Variants in RAD54L2 observed in about 807,000 individuals in gnomAD.
RAD54L2 encodes RAD54 like 2, also known as helicase ARIP4.
In RAD54L2, 27 loss-of-function variants were observed where a neutral mutation model predicts 138.4. The ratio of observed to expected loss-of-function variants is 0.20; its 90% CI spans 0.14 to 0.27. RAD54L2 has a LOEUF of 0.27. Ranked by LOEUF, RAD54L2 falls within the 10% of genes least tolerant of loss-of-function variation. The pLI is 1.00. For synonymous variants in RAD54L2, 644 were observed against 723.2 expected (o/e 0.89, Z 1.76); for missense variants, 1,396 against 1,890.2 (o/e 0.74, Z 4.85).
At position 51,590,430 on chromosome 3, in the gene RAD54L2, G is replaced by T; in HGVS notation, c.10G>T (p.Glu4Ter). The change falls in exon 3 of 23, where the codon GAA becomes TAA. Residue 4 changes from glutamate (E) to a stop codon, truncating the protein, a stop_gained. Transcript: ENST00000684192. LOFTEE classifies it high-confidence loss of function. ...AGGACCTCTGGGAGCCATGTCAGAC[G>T]AATCTGCCTCAGGGAGCGATCCAGA... is the stretch of plus-strand genomic sequence containing the variant. MSD[E>*]SASGSDPDLD... 6.5e-7 allele frequency: 1 copy of T among 1,540,402 alleles called. No homozygotes were observed. The highest frequency in any genetic ancestry group is 8.8e-7 in the Non-Finnish European group (1 of 1,139,754).
At chr3:51,556,733 T>G (rs748620371) in intron 2 of RAD54L2, among the ~76,000 whole-genome samples, 14 of 152,084 alleles carry the variant, frequency 9.2e-5, no homozygotes, top group Non-Finnish European at 1.9e-4. Flanking sequence ...TGCGCCACCA[T>G]GCCCGGCTAA....
intron 7 of RAD54L2, 130 bp downstream of exon 7, chr3:51,631,061 T>A: frequency 1.1e-6 from 1 of 897,560 alleles, no homozygotes; most frequent in Non-Finnish European, 1.7e-6. Flanking sequence ...TGTTCAGCTG[T>A]TGGAAAGACC....
At chr3:51,561,912 A>G (rs563869107) in intron 2 of RAD54L2, among the ~76,000 whole-genome samples, 10 of 151,850 alleles carry the variant, frequency 6.6e-5, no homozygotes, top group Non-Finnish European at 1.2e-4. Context: ...TTTGTTGCCT[A>G]GGCTGGAGTG....
intron 3 of RAD54L2, among the ~76,000 whole-genome samples, chr3:51,593,627 C>T (rs763098688): frequency 1.3e-5 from 2 of 152,102 alleles, no homozygotes; most frequent in Non-Finnish European, 2.9e-5. Context: ...CCACTGTGCC[C>T]GGCCACTTCA....
chr3:51,580,857 G>A (rs1699590119), intron 2 of RAD54L2, among the ~76,000 whole-genome samples: 2 of 152,162 alleles, frequency 1.3e-5, no homozygotes. Context: ...CAAAGTCACA[G>A]TGGAAAAGCG....
intron 2 of RAD54L2, among the ~76,000 whole-genome samples, chr3:51,545,543 T>C (rs1439311983): frequency 6.6e-6 from 1 of 152,106 alleles, no homozygotes; most frequent in African/African-American, 2.4e-5. Flanking sequence ...TAAATTACTT[T>C]GAATTAGTTT....
intron 2 of RAD54L2, among the ~76,000 whole-genome samples, chr3:51,569,591 C>T (rs1235505085): frequency 2.6e-5 from 4 of 152,062 alleles, no homozygotes; most frequent in Non-Finnish European, 1.5e-5. Context: ...ACCATGTTGG[C>T]CAGGCTGGTC....
intron 2 of RAD54L2, among the ~76,000 whole-genome samples, chr3:51,583,237 A>G (rs1467551242): frequency 6.6e-6 from 1 of 152,176 alleles, no homozygotes; most frequent in African/African-American, 2.4e-5. Context: ...ATCTCCTTCA[A>G]CATATAGCCT....
chr3:51,608,878 G>A (rs1381059063), intron 3 of RAD54L2, among the ~76,000 whole-genome samples: 1 of 152,112 alleles, frequency 6.6e-6, no homozygotes, highest in Non-Finnish European at 1.5e-5. Context: ...GGGAGGGGCA[G>A]GGGGAGGGAG....
chr3:51,539,229 C>T (rs1280661600), intron 1 of RAD54L2, among the ~76,000 whole-genome samples: 3 of 152,142 alleles, frequency 2.0e-5, no homozygotes, highest in Non-Finnish European at 2.9e-5. Flanking sequence ...GCTCTGGATG[C>T]TGGCGCCCCG....
chr3:51,659,726 A>C (rs970606440), intron 21 of RAD54L2, among the ~76,000 whole-genome samples: 48 of 152,170 alleles, frequency 3.2e-4, no homozygotes, highest in African/African-American at 1.1e-3. Flanking sequence ...TTTCTGGTAT[A>C]AGTCTCTGTC....
At chr3:51,640,046 A>G (rs1701089508) in intron 14 of RAD54L2, 47 bp downstream of exon 14, 1 of 1,434,550 alleles carries the variant, frequency 7.0e-7, no homozygotes, top group African/African-American at 1.4e-5. Context: ...ATGGTAAAGA[A>G]TGACAAAACC....
rs1167453300 is a variant in RAD54L2, at chr3:51,541,580, T to C, written c.-116-9T>C. 2.0e-5 allele frequency: 3 copies of C among 152,270 alleles called. No individual in the cohort carries two copies. The highest frequency in any genetic ancestry group is 7.2e-5 in the African/African-American group (3 of 41,462). 9.4% of individuals were successfully genotyped at this position (152,270 alleles called of 1,614,324 possible). A position where few individuals can be genotyped will look rare whatever the true frequency, so the allele number is the denominator to read the frequency against. On this transcript the variant is annotated splice_polypyrimidine_tract_variant and intron_variant, in intron 1 of 22. Transcript: ENST00000684192. ...TGCTTATCCCCTATGTCTGGTTCAC[T>C]GTATGTAGGCTGGGAGTGTCTGCTG...
rs532579439 is a variant in RAD54L2, at chr3:51,635,550, A to G, written c.1143-43A>G. On this transcript the variant is annotated intron_variant, in intron 9 of 22. Coordinates refer to ENST00000684192, the MANE Select transcript of RAD54L2 (RefSeq NM_015106.4). ...AGCAGCAGAAACAATAATTCTTGAGATATAATTCACATCTCACACAATTTT... is the reference window on the plus strand; with the variant it reads ...AGCAGCAGAAACAATAATTCTTGAGGTATAATTCACATCTCACACAATTTT... The G allele has an allele frequency of 3.2e-6, 5 of 1,551,322 alleles. No individual in the cohort carries two copies. The East Asian group carries it at 1.1e-4, about 36-fold the overall frequency.
rs533774485 is a variant in RAD54L2, at chr3:51,664,005, G to A, written c.*585G>A. On this transcript the variant is annotated 3_prime_UTR_variant, in exon 23 of 23. Coordinates refer to ENST00000684192, the MANE Select transcript of RAD54L2 (RefSeq NM_015106.4). ...TGTATGTATGGAACAGAGCAGGGGT[G>A]AAGGTGGGAGGGGAGGGAGGGAAGA... 1 of 151,834 alleles carries A rather than the reference G, an allele frequency of 6.6e-6. No individual in the cohort carries two copies. Among genetic ancestry groups the A allele is most frequent in the Admixed American group, 6.6e-5 (1 of 15,222 alleles). 9.4% of individuals were successfully genotyped at this position (151,834 alleles called of 1,614,324 possible).
rs781390391 is a variant in RAD54L2 at position 51,662,663 on chromosome 3, C to T, written c.3647C>T (p.Pro1216Leu). The T allele has an allele frequency of 1.1e-5, 18 of 1,613,588 alleles. No individual in the cohort carries two copies. Among genetic ancestry groups the T allele is most frequent in the Non-Finnish European group, 1.5e-5 (18 of 1,179,748 alleles). The part of the protein sequence containing the change: ...PAQLMDSSAV[P>L]GTALGTEPRL... Reference sequence around the variant, plus strand: ...CAACTTATGGACAGCAGTGCTGTTCCCGGGACAGCTCTCGGAACTGAGCCT... The same window carrying T: ...CAACTTATGGACAGCAGTGCTGTTCTCGGGACAGCTCTCGGAACTGAGCCT... The change falls in exon 23 of 23, where the codon CCC (proline) becomes CTC (leucine). Residue 1216 changes from proline (P) to leucine (L), a missense_variant. Pro to Leu is a moderately conservative substitution (Grantham distance 98, BLOSUM62 -3). Coordinates refer to ENST00000684192, the MANE Select transcript of RAD54L2 (RefSeq NM_015106.4). This position sits in a 1 kb window ranked among gnomAD's most constrained non-coding sequence, Gnocchi z 4.6.
intron 2 of RAD54L2, among the ~76,000 whole-genome samples, chr3:51,544,840 A>C (rs868940728): frequency 6.6e-6 from 1 of 152,106 alleles, no homozygotes; most frequent in South Asian, 2.1e-4. Flanking sequence ...ACCTCAAGTG[A>C]TCTGCCCATC....
intron 2 of RAD54L2, among the ~76,000 whole-genome samples, chr3:51,565,466 A>G (rs1699193637): frequency 6.6e-6 from 1 of 152,168 alleles, no homozygotes; most frequent in Non-Finnish European, 1.5e-5. Context: ...ACATAGAAAT[A>G]TAATAGATTT....
At chr3:51,660,140 A>C in intron 22 of RAD54L2, 22 bp downstream of exon 22, 3 of 1,566,330 alleles carry the variant, frequency 1.9e-6, no homozygotes, top group East Asian at 4.6e-5. Context: ...TTTACTTTCC[A>C]TTTTACTTTT....
Sources: gnomAD v4.1 joint callset for allele counts (sites outside exome capture counted in the v4.1 genomes callset) on GRCh38, gnomAD v4.1.1 for gene constraint, Gnocchi (gnomAD v3.1) non-coding constraint, MANE v1.5 for transcripts, NCBI Gene and HGNC (gene_info 2026-07-23, HGNC 2026-07-21) for gene names.